The following DENND2A variants were observed in gnomAD, a reference collection of about 807,000 sequenced individuals.
The protein encoded by DENND2A is DENN domain-containing protein 2A.
Under a neutral mutation model 105.3 loss-of-function variants are expected in DENND2A, and 53 were observed. The observed-to-expected ratio is 0.50, with a 90% confidence interval of 0.40 to 0.63. The LOEUF (loss-of-function observed/expected upper bound fraction) is 0.63. Among genes scored for constraint, DENND2A ranks in the 30% least tolerant of loss-of-function variants. The probability of loss-of-function intolerance (pLI) is 0.00; values close to 1 mark genes in which losing one functional copy is unlikely to be tolerated. For missense variants in DENND2A, 1,138 were observed against 1,279.6 expected (o/e 0.89, Z 1.69); for synonymous variants, 522 against 508.4 (o/e 1.03, Z -0.36).
At chr7:140,550,306 C>T (rs1797075955) in intron 12 of DENND2A, among the ~76,000 whole-genome samples, 3 of 152,194 alleles carry the variant, frequency 2.0e-5, no homozygotes, top group South Asian at 4.2e-4. Context: ...GATTCTCCTG[C>T]CTCAGCCTCC....
chr7:140,538,413 G>A (rs190566917), intron 14 of DENND2A, among the ~76,000 whole-genome samples: 168 of 152,314 alleles, frequency 1.1e-3, no homozygotes, highest in Middle Eastern at 3.4e-3. Flanking sequence ...CCACGTGAGC[G>A]GAGCAGGGTT....
At chr7:140,532,623 A>G (rs1338395287) in intron 14 of DENND2A, among the ~76,000 whole-genome samples, 1 of 152,162 alleles carries the variant, frequency 6.6e-6, no homozygotes, top group African/African-American at 2.4e-5. Context: ...AGGCTAAATG[A>G]GGCTAAAGTA....
At chr7:140,532,667 G>A (rs1796310491) in intron 14 of DENND2A, among the ~76,000 whole-genome samples, 1 of 152,076 alleles carries the variant, frequency 6.6e-6, no homozygotes, top group East Asian at 1.9e-4. Flanking sequence ...AGTAGGGAGA[G>A]AAGGGTCCTG....
intron 10 of DENND2A, 80 bp from the exon 11 acceptor site, chr7:140,558,292 A>G: frequency 2.6e-6 from 3 of 1,153,492 alleles, no homozygotes; most frequent in Non-Finnish European, 3.8e-6. Flanking sequence ...AAGGGGTGGC[A>G]GTGAGCAGCC....
Position 140,615,842 on chromosome 7 carries a change from T to C in DENND2A, c.-247-10036A>G, listed in dbSNP as rs192876448. 8.5e-3 allele frequency among the ~76,000 whole-genome samples: 1,294 copies of C among 152,060 alleles called. 7 individuals are homozygous for C. The highest frequency in any genetic ancestry group is 0.012 in the Non-Finnish European group (836 of 67,968). ...TGCTAAGATTACAGGTGTGAGTCAC[T>C]GAACCCAGGCCTACATATCATTTTT... On this transcript the variant is annotated intron_variant, in intron 1 of 19. Coordinates refer to ENST00000496613, the MANE Select transcript of DENND2A (RefSeq NM_015689.5).
Position 140,601,471 on chromosome 7 carries a change from G to C in DENND2A, c.927C>G (p.Ser309=). The change falls in exon 3 of 20, where the codon TCC becomes TCG. Residue 309 remains serine (S), a synonymous_variant. Transcript: ENST00000496613. ...LPSLPPPPLP[S]SPPPSSVNRR... ...TGTTCACAGAGGAAGGTGGGGGAGAGGAGGGCAGAGGCGGGGGAGGTAGAG... is the reference window on the plus strand; with the variant it reads ...TGTTCACAGAGGAAGGTGGGGGAGACGAGGGCAGAGGCGGGGGAGGTAGAG... 1 of 1,614,000 alleles carries C rather than the reference G, an allele frequency of 6.2e-7. No homozygotes were observed. Among genetic ancestry groups the C allele is most frequent in the South Asian group, 1.1e-5 (1 of 91,058 alleles).
rs139934770 is a variant in DENND2A at position 140,564,698 on chromosome 7, A to G, written c.1779+2388T>C. On this transcript the variant is annotated intron_variant, in intron 9 of 19. Transcript: ENST00000496613. Reference sequence around the variant, plus strand: ...AAAAAAATTTAATGTGGGTGACTCCAGGCTGGAAACAATAATCATTTGATC... The same window carrying G: ...AAAAAAATTTAATGTGGGTGACTCCGGGCTGGAAACAATAATCATTTGATC... 1.4e-4 allele frequency among the ~76,000 whole-genome samples: 22 copies of G among 152,360 alleles called. No homozygotes were observed. The Middle Eastern group carries it at 0.017, about 118-fold the overall frequency.
At chr7:140,519,328 G>C (rs544861275) in intron 19 of DENND2A, among the ~76,000 whole-genome samples, 1 of 152,288 alleles carries the variant, frequency 6.6e-6, no homozygotes, top group Non-Finnish European at 1.5e-5. Flanking sequence ...TCCTTGTCTG[G>C]TTCCCGCCAT....
At chr7:140,589,964 G>T (rs57561934) in intron 3 of DENND2A, among the ~76,000 whole-genome samples, 138 of 152,170 alleles carry the variant, frequency 9.1e-4, no homozygotes, top group Non-Finnish European at 1.4e-3. Context: ...GTCAAATTTC[G>T]AAATGATAAA....
rs1233632730 is a variant in DENND2A, at chr7:140,523,382, C to G, written c.2590G>C (p.Ala864Pro). Residue 864 changes from alanine (A) to proline (P), a missense_variant, in exon 17 of 20, where the codon GCC (alanine) becomes CCC (proline). By Grantham distance (27) the Ala-to-Pro change is conservative. Transcript: ENST00000496613. This position sits in a 1 kb window ranked among gnomAD's most constrained non-coding sequence, Gnocchi z 4.5. Reference sequence around the variant, plus strand: ...CTCTGTTCCAGAATGTGTTCCAGGGCCACCTGAAGCTTCCGGGGCAGGATG... The same window carrying G: ...CTCTGTTCCAGAATGTGTTCCAGGGGCACCTGAAGCTTCCGGGGCAGGATG... Reference protein sequence around the residue: ...DSILPRKLQVALEHILEQRNE... With the variant: ...DSILPRKLQVPLEHILEQRNE... 6.2e-7 allele frequency: 1 copy of G among 1,614,184 alleles called. No homozygotes were observed.
At chr7:140,614,059 A>T (rs1263047828) in intron 1 of DENND2A, among the ~76,000 whole-genome samples, 1 of 152,116 alleles carries the variant, frequency 6.6e-6, no homozygotes, top group Non-Finnish European at 1.5e-5. Flanking sequence ...TGAAGTCCTC[A>T]AAGCCTCTTT....
intron 3 of DENND2A, among the ~76,000 whole-genome samples, chr7:140,592,826 C>T (rs10244607): frequency 1.3e-5 from 2 of 151,152 alleles, no homozygotes; most frequent in Non-Finnish European, 2.9e-5. Flanking sequence ...TGGTCTTGAA[C>T]TCCTGGGCTC....
intron 9 of DENND2A, among the ~76,000 whole-genome samples, chr7:140,563,187 A>G (rs1797700227): frequency 6.6e-6 from 1 of 152,246 alleles, no homozygotes; most frequent in African/African-American, 2.4e-5. Flanking sequence ...CCTCGTGGGG[A>G]AACAAGTTCC....
intron 7 of DENND2A, among the ~76,000 whole-genome samples, chr7:140,569,258 C>T (rs1797992842): frequency 6.6e-6 from 1 of 152,184 alleles, no homozygotes; most frequent in Non-Finnish European, 1.5e-5. Context: ...ATTGCACAAA[C>T]CACGTCTCGT....
intron 18 of DENND2A, among the ~76,000 whole-genome samples, chr7:140,521,090 G>A (rs934045893): frequency 2.6e-5 from 4 of 151,638 alleles, no homozygotes; most frequent in Admixed American, 2.6e-4. Flanking sequence ...TGGCCAGGTT[G>A]ATTTCCAACT....
At chr7:140,572,311 T>C (rs1798124614) in intron 6 of DENND2A, among the ~76,000 whole-genome samples, 1 of 150,796 alleles carries the variant, frequency 6.6e-6, no homozygotes, top group Admixed American at 6.6e-5. Flanking sequence ...CCAGCCTCCC[T>C]GGACTTTCTT....
At chr7:140,555,844 A>G in intron 11 of DENND2A, 131 bp from the exon 12 acceptor site, 1 of 638,622 alleles carries the variant, frequency 1.6e-6, no homozygotes, top group Non-Finnish European at 2.6e-6. Context: ...AACCCAATAA[A>G]GTAAGTTGTT....
chr7:140,581,222 C>T (rs1308209411), intron 5 of DENND2A, among the ~76,000 whole-genome samples: 1 of 152,090 alleles, frequency 6.6e-6, no homozygotes, highest in Admixed American at 6.6e-5. Flanking sequence ...CAAGATCGAG[C>T]CACTGCACTC....
At chr7:140,621,400 G>A (rs754637461) in intron 1 of DENND2A, among the ~76,000 whole-genome samples, 5 of 149,620 alleles carry the variant, frequency 3.3e-5, no homozygotes, top group East Asian at 1.9e-4. Context: ...TAAATGCTAC[G>A]TAAATAGTTG....
Sources: allele counts gnomAD v4.1 joint callset (sites outside exome capture counted in the v4.1 genomes callset), GRCh38; gene constraint gnomAD v4.1.1; non-coding constraint Gnocchi (gnomAD v3.1); transcripts MANE v1.5; gene names NCBI Gene and HGNC (gene_info 2026-07-23, HGNC 2026-07-21).